The following EYS variants were observed in gnomAD, a reference collection of about 807,000 sequenced individuals.
EYS encodes the protein protein eyes shut homolog.
EYS carries 250 observed loss-of-function variants against 282.1 expected under a neutral mutation model. The ratio of observed to expected loss-of-function variants is 0.89; its 90% CI spans 0.80 to 0.98. The LOEUF is 0.98. EYS is among the 50% of genes least tolerant of loss of function. EYS has a pLI of 0.00. For synonymous variants in EYS, 1,355 were observed against 1,282.9 expected (o/e 1.06, Z -1.20); for missense variants, 4,016 against 3,709.0 (o/e 1.08, Z -2.15).
chr6:64,598,383 C>T (rs1766655255), intron 24 of EYS, among the ~76,000 whole-genome samples: 2 of 152,202 alleles, frequency 1.3e-5, no homozygotes, highest in Non-Finnish European at 2.9e-5. Context: ...ATGGCGTGAA[C>T]CTGCGAGGCG....
chr6:65,084,110 T>G (rs1774299010), intron 12 of EYS, among the ~76,000 whole-genome samples: 1 of 152,076 alleles, frequency 6.6e-6, no homozygotes, highest in South Asian at 2.1e-4. Flanking sequence ...CAAATTAGCA[T>G]GTCAGCAGAA....
At chr6:65,358,945 T>C (rs1383146606) in intron 8 of EYS, among the ~76,000 whole-genome samples, 1 of 152,036 alleles carries the variant, frequency 6.6e-6, no homozygotes, top group Non-Finnish European at 1.5e-5. Flanking sequence ...GCATTTGATC[T>C]ATTTCTTCTT....
chr6:63,921,030 C>CT (rs1249205272), intron 35 of EYS, among the ~76,000 whole-genome samples: 1 of 152,106 alleles, frequency 6.6e-6, no homozygotes, highest in Non-Finnish European at 1.5e-5. Flanking sequence ...GTAGCTGGGA[C>CT]TACAGGCACT....
chr6:64,133,233 G>A (rs984229952), intron 31 of EYS, among the ~76,000 whole-genome samples: 2 of 151,894 alleles, frequency 1.3e-5, no homozygotes, highest in Non-Finnish European at 2.9e-5. Context: ...TATTAAAAAT[G>A]CAATCAAGCT....
chr6:64,047,494 A>G (rs560938539), intron 33 of EYS, among the ~76,000 whole-genome samples: 117 of 152,354 alleles, frequency 7.7e-4, no homozygotes, highest in African/African-American at 2.6e-3. Flanking sequence ...AGGCATAAAA[A>G]TGCCTGACAG....
intron 15 of EYS, among the ~76,000 whole-genome samples, chr6:64,927,615 C>T (rs6940726): frequency 0.31 from 47,000 of 151,954 alleles, 9,202 homozygotes; most frequent in African/African-American, 0.56. Flanking sequence ...AAAATAATGT[C>T]AAATCTTAAG....
intron 35 of EYS, among the ~76,000 whole-genome samples, chr6:63,874,507 A>G (rs1382170395): frequency 3.3e-5 from 5 of 152,132 alleles, no homozygotes; most frequent in African/African-American, 1.2e-4. Flanking sequence ...TAAACTTTAA[A>G]GTAGTTTTTT....
At chr6:63,895,443 A>G (rs1773512884) in intron 35 of EYS, among the ~76,000 whole-genome samples, 1 of 152,226 alleles carries the variant, frequency 6.6e-6, no homozygotes, top group Admixed American at 6.5e-5. Flanking sequence ...TATCACAGCT[A>G]GTTAGCAGAG....
intron 30 of EYS, among the ~76,000 whole-genome samples, chr6:64,267,138 C>T (rs762798305): frequency 6.6e-6 from 1 of 152,036 alleles, no homozygotes; most frequent in Non-Finnish European, 1.5e-5. Flanking sequence ...TTTAGTCAAG[C>T]AAACTTTTTG....
chr6:64,506,066 C>A (rs1235587700), intron 26 of EYS, among the ~76,000 whole-genome samples: 2 of 152,122 alleles, frequency 1.3e-5, no homozygotes, highest in East Asian at 1.9e-4. Flanking sequence ...GAAAATCTTA[C>A]TTCCTCATCT....
chr6:65,321,520 A>C (rs1769476025), intron 11 of EYS, among the ~76,000 whole-genome samples: 1 of 152,270 alleles, frequency 6.6e-6, no homozygotes, highest in Non-Finnish European at 1.5e-5. Context: ...TTAATGAAGA[A>C]GATAATATCC....
At chr6:63,987,609 G>T (rs1767427105) in intron 34 of EYS, among the ~76,000 whole-genome samples, 1 of 151,616 alleles carries the variant, frequency 6.6e-6, no homozygotes, top group Non-Finnish European at 1.5e-5. Context: ...TTAGGCATAT[G>T]GCAGGTAGAT....
intron 18 of EYS, among the ~76,000 whole-genome samples, chr6:64,890,051 C>G (rs1275742727): frequency 6.7e-6 from 1 of 149,854 alleles, no homozygotes; most frequent in Non-Finnish European, 1.5e-5. Context: ...AAATGCCCCC[C>G]CCCCCCAAGG....
In EYS at chr6:63,996,541, AC is replaced by A. The variant is rs555317037; in HGVS notation, c.6834+2533del. Among the ~76,000 whole-genome samples, 274 of 152,240 alleles carry A rather than the reference AC, an allele frequency of 1.8e-3. 1 individual carries two copies. Among genetic ancestry groups the A allele is most frequent in the African/African-American group, 6.2e-3 (257 of 41,564 alleles). ...GTATCCCAGAACTTAAAGTAAAAAA[AC>A]AAAACAAAACAATAAATCAGATTAG... On this transcript the variant is annotated intron_variant, in intron 34 of 42. Coordinates refer to ENST00000503581, the MANE Select transcript of EYS (RefSeq NM_001142800.2).
At chr6:65,314,234 C>T (rs1769237649) in intron 11 of EYS, among the ~76,000 whole-genome samples, 1 of 151,000 alleles carries the variant, frequency 6.6e-6, no homozygotes, top group African/African-American at 2.4e-5. Context: ...ATCGAAACCC[C>T]CCCTCCACAA....
chr6:64,455,990 T>C (rs1188995377), intron 26 of EYS, among the ~76,000 whole-genome samples: 2 of 152,270 alleles, frequency 1.3e-5, no homozygotes, highest in East Asian at 3.9e-4. Context: ...TATGTACACA[T>C]ATGAATTTCA....
At chr6:64,493,802 C>A (rs540423522) in intron 26 of EYS, among the ~76,000 whole-genome samples, 1 of 151,476 alleles carries the variant, frequency 6.6e-6, no homozygotes, top group Non-Finnish European at 1.5e-5. Context: ...AATAACTCCC[C>A]TTCTCCTTAC....
At chr6:65,037,517 G>A (rs4631249) in intron 13 of EYS, among the ~76,000 whole-genome samples, 56,110 of 151,476 alleles carry the variant, frequency 0.37, 12,613 homozygotes, top group Admixed American at 0.5. Context: ...TTAATAAAAA[G>A]TAAATGTATT....
At chr6:65,488,746 C>T (rs1229408241) in intron 5 of EYS, among the ~76,000 whole-genome samples, 1 of 152,068 alleles carries the variant, frequency 6.6e-6, no homozygotes, top group East Asian at 1.9e-4. Flanking sequence ...GCTACAGTAA[C>T]CAAAACAGCA....
Sources: allele counts gnomAD v4.1 joint callset (sites outside exome capture counted in the v4.1 genomes callset), GRCh38; gene constraint gnomAD v4.1.1; transcripts MANE v1.5; gene names NCBI Gene and HGNC (gene_info 2026-07-23, HGNC 2026-07-21).